The following BOD1L1 variants were observed in gnomAD, a reference collection of about 807,000 sequenced individuals.
The protein encoded by BOD1L1 is biorientation of chromosomes in cell division 1 like 1.
In BOD1L1, 86 loss-of-function variants were observed where a neutral mutation model predicts 240.7. That is an observed-to-expected ratio of 0.36 (90% CI 0.30 to 0.43). BOD1L1 has a LOEUF of 0.43. BOD1L1 is among the 20% of genes least tolerant of loss of function. The pLI, the probability that BOD1L1 is intolerant of heterozygous loss-of-function variation, is 1.00. For missense variants in BOD1L1, 3,554 were observed against 3,643.5 expected (o/e 0.98, Z 0.63); for synonymous variants, 1,268 against 1,272.3 (o/e 1.00, Z 0.07).
chr4:13,614,637 T>C lies in BOD1L1; in HGVS notation c.733A>G (p.Thr245Ala). 1 of 1,613,974 alleles carries C rather than the reference T, an allele frequency of 6.2e-7. No individual in the cohort carries two copies. The highest frequency in any genetic ancestry group is 8.5e-7 in the Non-Finnish European group (1 of 1,179,880). The change falls in exon 4 of 26, where the codon ACT becomes GCT. Residue 245 changes from threonine (T) to alanine (A), a missense_variant. Around this residue, in one of 2 missense-constraint regions of BOD1L1, gnomAD observed 3,393 missense variants for 3,427.1 expected, o/e 0.99. Coordinates refer to ENST00000040738, the MANE Select transcript of BOD1L1 (RefSeq NM_148894.3). ...GAAGTTCTTTCTTTGTCAGTACTAG[T>C]ATCAGTGGTTGGCTGAGATGGAAGT... ...KKLPSQPTTDTSTDKERTSED... is the reference protein window; with the variant it reads ...KKLPSQPTTDASTDKERTSED...
intron 13 of BOD1L1, 112 bp from the exon 14 acceptor site, chr4:13,590,558 A>G: frequency 1.9e-6 from 1 of 513,826 alleles, no homozygotes; most frequent in Non-Finnish European, 3.5e-6. Flanking sequence ...CAAATGCCAA[A>G]AGGAATTGGG....
rs920511942 is a variant in BOD1L1, at chr4:13,613,408, G to C, written c.1324+104C>G. On this transcript the variant is annotated intron_variant, in intron 5 of 25. Coordinates refer to ENST00000040738, the MANE Select transcript of BOD1L1 (RefSeq NM_148894.3). The surrounding 1 kb of genome is among the most constrained non-coding windows in gnomAD (Gnocchi z 4.0). ...AAATCTTCCAACTACAAAATCCCAT[G>C]CTCTTGCTACTATACCACACTGTTT... The C allele has an allele frequency of 2.4e-5, 26 of 1,091,124 alleles. No homozygotes were observed. Among genetic ancestry groups the C allele is most frequent in the Non-Finnish European group, 3.3e-5 (26 of 790,166 alleles). 67.6% of individuals were successfully genotyped at this position (1,091,124 alleles called of 1,614,324 possible).
At chr4:13,584,823 A>G (rs1300772811) in intron 17 of BOD1L1, among the ~76,000 whole-genome samples, 2 of 152,194 alleles carry the variant, frequency 1.3e-5, no homozygotes, top group East Asian at 1.9e-4. Flanking sequence ...ATTTTATAAA[A>G]TGGCACATAT....
chr4:13,582,754 A>C lies in BOD1L1; in HGVS notation c.8434-18T>G. 6.5e-7 allele frequency: 1 copy of C among 1,547,046 alleles called. No homozygotes were observed. ...TTCTCTTCCTATAGAGAAGTTGAAA[A>C]AGACTAGAACCTTCTTCAAACTGAA... On this transcript the variant is annotated intron_variant, in intron 17 of 25. Coordinates refer to ENST00000040738, the MANE Select transcript of BOD1L1 (RefSeq NM_148894.3).
rs771185262 is a variant in BOD1L1 at position 13,602,591 on chromosome 4, C to T, written c.4309G>A (p.Gly1437Ser). Residue 1437 changes from glycine to serine, a missense_variant, in exon 10 of 26, where the codon GGC becomes AGC. Transcript: ENST00000040738. ...CCTACAACATGATCAACAGCAATGC[C>T]ATCCTTCTTGCCATTCTCTACTGTT... ...KATVENGKKD[G>S]IAVDHVVGLN... 2 of 1,614,016 alleles carry T rather than the reference C, an allele frequency of 1.2e-6. No homozygotes were observed. The highest frequency in any genetic ancestry group is 1.1e-5 in the South Asian group (1 of 91,080).
chr4:13,616,664 C>T (rs994000822), intron 2 of BOD1L1, among the ~76,000 whole-genome samples: 26 of 152,208 alleles, frequency 1.7e-4, no homozygotes, highest in Non-Finnish European at 4.4e-5. Flanking sequence ...TCTTTCCTTA[C>T]ACTTTACAAA....
chr4:13,576,012 C>T (rs1465225893), intron 25 of BOD1L1, among the ~76,000 whole-genome samples: 1 of 151,316 alleles, frequency 6.6e-6, no homozygotes, highest in East Asian at 2.0e-4. Context: ...AAGCAATTCC[C>T]CTGCCTCAGC....
At position 13,609,301 on chromosome 4, in the gene BOD1L1, C is replaced by T. The variant is rs191373423; in HGVS notation, c.1597G>A (p.Gly533Ser). 1.4e-5 allele frequency: 22 copies of T among 1,529,288 alleles called. No homozygotes were observed. The East Asian group carries it at 4.3e-4, about 30-fold the overall frequency. 94.7% of individuals were successfully genotyped at this position (1,529,288 alleles called of 1,614,324 possible). The change falls in exon 7 of 26, where the codon GGT becomes AGT. Residue 533 changes from glycine to serine, a missense_variant. Physicochemically the swap from Gly to Ser is moderately conservative, Grantham distance 56. Coordinates refer to ENST00000040738, the MANE Select transcript of BOD1L1 (RefSeq NM_148894.3). ...TAAAAGTTGACATCTATACCTTGAC[C>T]CTTGGTTTTTGAAGACTTTGTCTTT... ...AEKTKSSKTK[G>S]QGRSSVDLEE...
chr4:13,582,449 C>G (rs1713311050), intron 18 of BOD1L1, 139 bp from the exon 19 acceptor site: 5 of 751,904 alleles, frequency 6.6e-6, no homozygotes, highest in East Asian at 2.6e-5. Flanking sequence ...AATTAACAAG[C>G]CTGAGTTTGG....
intron 17 of BOD1L1, among the ~76,000 whole-genome samples, chr4:13,584,428 GAAA>G (rs1713494345): frequency 7.5e-6 from 1 of 133,008 alleles, no homozygotes; most frequent in South Asian, 2.4e-4. Context: ...GGCGGGGAGA[GAAA>G]GAGAGAGAGA....
Position 13,601,104 on chromosome 4 carries a change from G to A in BOD1L1, c.5796C>T (p.Asp1932=), listed in dbSNP as rs1715113751. The A allele has an allele frequency of 6.2e-7, 1 of 1,613,910 alleles. No homozygotes were observed. Among genetic ancestry groups the A allele is most frequent in the Non-Finnish European group, 8.5e-7 (1 of 1,179,882 alleles). The change falls in exon 10 of 26, where the codon GAC becomes GAT. Residue 1932 remains aspartate, a synonymous_variant. Transcript: ENST00000040738. ...TTCCTTTCTCTGTGCCACTCATGCTGTCAACATTATTTTCATTTGCATTCA... is the reference window on the plus strand; with the variant it reads ...TTCCTTTCTCTGTGCCACTCATGCTATCAACATTATTTTCATTTGCATTCA... ...AIMNANENNV[D]SMSGTEKGSK...
At position 13,600,917 on chromosome 4, in the gene BOD1L1, C is replaced by T. The variant is rs1385187817; in HGVS notation, c.5983G>A (p.Glu1995Lys). The T allele has an allele frequency of 1.3e-5, 21 of 1,613,826 alleles. No homozygotes were observed. The Admixed American group carries it at 3.5e-4, about 27-fold the overall frequency. Reference sequence around the variant, plus strand: ...AGGCCAGTGGAAATAGTGGTATCTTCAACTTTTTCGAGCTGACTGTCACTT... The same window carrying T: ...AGGCCAGTGGAAATAGTGGTATCTTTAACTTTTTCGAGCTGACTGTCACTT... ...DQSDSQLEKV[E>K]DTTISTGLVG... Residue 1995 changes from glutamate (E) to lysine (K), a missense_variant, in exon 10 of 26, where the codon GAA (glutamate) becomes AAA (lysine). By Grantham distance (56) the Glu-to-Lys change is moderately conservative (BLOSUM62 1). Around this residue, in one of 2 missense-constraint regions of BOD1L1, gnomAD observed 3,393 missense variants for 3,427.1 expected, o/e 0.99. Transcript: ENST00000040738.
At chr4:13,588,669 C>T in intron 15 of BOD1L1, 53 bp downstream of exon 15, 2 of 1,309,058 alleles carry the variant, frequency 1.5e-6, no homozygotes, top group Non-Finnish European at 2.1e-6. Flanking sequence ...TCTTTGTGTA[C>T]AGTGAAAATA....
intron 3 of BOD1L1, 69 bp from the exon 4 acceptor site, chr4:13,614,879 A>G (rs1476413848): frequency 5.6e-6 from 8 of 1,424,396 alleles, no homozygotes; most frequent in Admixed American, 2.6e-5. Context: ...AATCAATACC[A>G]CATGCCATTG....
Position 13,627,484 on chromosome 4 carries a change from C to A in BOD1L1, c.104G>T (p.Gly35Val), listed in dbSNP as rs1025310424. 2.5e-4 allele frequency: 252 copies of A among 1,011,690 alleles called. 1 individual carries two copies. Among genetic ancestry groups the A allele is most frequent in the Non-Finnish European group, 2.9e-4 (246 of 850,610 alleles). 62.7% of individuals were successfully genotyped at this position (1,011,690 alleles called of 1,614,324 possible). ...PPPPPPGPGA[G>V]PGAGGAGGAG... ...GCCGCCCGCCCCGCCCGCGCCGGGG[C>A]CAGCCCCGGGGCCCGGCGGCGGCGG... is the stretch of plus-strand genomic sequence containing the variant. The change falls in exon 1 of 26, where the codon GGC becomes GTC. Residue 35 changes from glycine (G) to valine (V), a missense_variant. Coordinates refer to ENST00000040738, the MANE Select transcript of BOD1L1 (RefSeq NM_148894.3).
chr4:13,621,807 A>G (rs553180732), intron 1 of BOD1L1, among the ~76,000 whole-genome samples: 16 of 151,956 alleles, frequency 1.1e-4, no homozygotes, highest in Non-Finnish European at 2.4e-4. Context: ...CCTGTCCTAC[A>G]TGATCATTTC....
Position 13,627,623 on chromosome 4 carries a change from G to C in BOD1L1, c.-36C>G. The C allele has an allele frequency of 2.6e-6, 3 of 1,152,384 alleles. No individual in the cohort carries two copies. Among genetic ancestry groups the C allele is most frequent in the Non-Finnish European group, 3.2e-6 (3 of 935,964 alleles). The allele number at this position is 1,152,384 out of a possible 1,614,324, so 71.4% of individuals were successfully genotyped here. A position where few individuals can be genotyped will look rare whatever the true frequency, so the allele number is the denominator to read the frequency against. On this transcript the variant is annotated 5_prime_UTR_variant, in exon 1 of 26. Coordinates refer to ENST00000040738, the MANE Select transcript of BOD1L1 (RefSeq NM_148894.3). ...GCCGGGGAGGGCAAGGGCCCTGACC[G>C]GCGGACGATCCTGGGAGGCGGCGGC...
chr4:13,575,438 T>G (rs978709091), intron 25 of BOD1L1, among the ~76,000 whole-genome samples: 1 of 152,170 alleles, frequency 6.6e-6, no homozygotes, highest in Admixed American at 6.5e-5. Context: ...TAGAGTGCAG[T>G]GGTGCGATCA....
At chr4:13,589,859 C>T (rs1481717912) in intron 14 of BOD1L1, among the ~76,000 whole-genome samples, 3 of 152,160 alleles carry the variant, frequency 2.0e-5, no homozygotes, top group Non-Finnish European at 2.9e-5. Context: ...TCTCCCCACT[C>T]CTATAATAGG....
Sources: gnomAD v4.1 joint callset for allele counts (sites outside exome capture counted in the v4.1 genomes callset) on GRCh38, gnomAD v4.1.1 for gene constraint, gnomAD v4.1.1 regional missense constraint, Gnocchi (gnomAD v3.1) non-coding constraint, MANE v1.5 for transcripts, NCBI Gene and HGNC (gene_info 2026-07-23, HGNC 2026-07-21) for gene names.